The following UNC5C variants were observed in gnomAD, a reference collection of about 807,000 sequenced individuals.
UNC5C encodes netrin receptor UNC5C.
In UNC5C, 47 loss-of-function variants were observed where a neutral mutation model predicts 99.8. That is an observed-to-expected ratio of 0.47 (90% confidence interval 0.37 to 0.60). UNC5C has a LOEUF of 0.60. Ranked by LOEUF, UNC5C falls within the 20% of genes least tolerant of loss-of-function variation. The pLI is 0.00. For missense variants in UNC5C, 1,062 were observed against 1,165.9 expected, an observed-to-expected ratio of 0.91 and a Z score of 1.30; for synonymous variants, 487 against 452.2, an observed-to-expected ratio of 1.08 and a Z score of -0.98.
intron 14 of UNC5C, among the ~76,000 whole-genome samples, chr4:95,178,601 A>T (rs968002219): frequency 2.0e-5 from 3 of 152,238 alleles, no homozygotes; most frequent in Admixed American, 2.0e-4. Flanking sequence ...GTACAGAAAG[A>T]AGATGAAGCC....
Position 95,219,145 on chromosome 4 carries a change from G to A in UNC5C, c.1469C>T (p.Pro490Leu). 6.2e-7 allele frequency: 1 copy of A among 1,614,124 alleles called. No individual in the cohort carries two copies. Among genetic ancestry groups the A allele is most frequent in the Non-Finnish European group, 8.5e-7 (1 of 1,180,026 alleles). The change falls in exon 9 of 16, where the codon CCC (proline) becomes CTC (leucine). Residue 490 changes from proline (P) to leucine (L), a missense_variant. Coordinates refer to ENST00000453304, the MANE Select transcript of UNC5C (RefSeq NM_003728.4). ...KVYNTSGAVT[P>L]QDDLSEFTSK... The stretch of plus-strand genomic sequence containing the variant: ...CGTAAACTCAGAGAGGTCATCTTGG[G>A]GGGTGACAGCACCTGAGGTGTTGTA...
intron 1 of UNC5C, among the ~76,000 whole-genome samples, chr4:95,525,694 A>G (rs1386552192): frequency 6.7e-6 from 1 of 149,468 alleles, no homozygotes; most frequent in Non-Finnish European, 1.5e-5. Flanking sequence ...AACTTTACAG[A>G]AAGTTACTGT....
At position 95,193,156 on chromosome 4, in the gene UNC5C, C is replaced by A. The variant is rs532751734; in HGVS notation, c.2137-7960G>T. ...AGGCAGTCTTCATGTTTGAGAGAAACACAGAACCATGCATTGGCTGGATTT... is the reference window on the plus strand; with the variant it reads ...AGGCAGTCTTCATGTTTGAGAGAAAAACAGAACCATGCATTGGCTGGATTT... On this transcript the variant is annotated intron_variant, in intron 12 of 15. Transcript: ENST00000453304. 8.5e-5 allele frequency among the ~76,000 whole-genome samples: 13 copies of A among 152,326 alleles called. No individual in the cohort carries two copies. The South Asian group carries it at 2.7e-3, about 32-fold the overall frequency.
chr4:95,192,243 CCCTGTTCACCCTCCTTT>C (rs1241816851), intron 12 of UNC5C, among the ~76,000 whole-genome samples: 1 of 145,740 alleles, frequency 6.9e-6, no homozygotes, highest in African/African-American at 2.6e-5. Flanking sequence ...CACCCTCCTC[CCCTGTTCACCCTCCTTT>C]CCTGCTCACC....
intron 1 of UNC5C, among the ~76,000 whole-genome samples, chr4:95,540,300 G>A (rs1429227285): frequency 1.3e-5 from 2 of 152,130 alleles, no homozygotes; most frequent in Non-Finnish European, 2.9e-5. Context: ...ATAATATTAT[G>A]ATGAAATACT....
intron 1 of UNC5C, among the ~76,000 whole-genome samples, chr4:95,366,084 G>A (rs904475210): frequency 6.6e-6 from 1 of 152,132 alleles, no homozygotes; most frequent in African/African-American, 2.4e-5. Flanking sequence ...AGGGCCTGGA[G>A]TTACCTACTT....
At chr4:95,406,924 T>C (rs963593121) in intron 1 of UNC5C, among the ~76,000 whole-genome samples, 5 of 152,204 alleles carry the variant, frequency 3.3e-5, no homozygotes, top group African/African-American at 1.2e-4. Flanking sequence ...AAAATCAAAA[T>C]AATTCAGTGG....
intron 1 of UNC5C, among the ~76,000 whole-genome samples, chr4:95,402,571 A>G (rs1293413286): frequency 6.6e-6 from 1 of 152,242 alleles, no homozygotes; most frequent in Non-Finnish European, 1.5e-5. Context: ...GCCTTAAAAC[A>G]TTATGGCACC....
rs372231448 is a variant in UNC5C at position 95,245,250 on chromosome 4, G to A, written c.776-106C>T. 24 of 1,297,558 alleles carry A rather than the reference G, an allele frequency of 1.8e-5. No individual in the cohort carries two copies. In the African/African-American group the frequency reaches 3.4e-4, roughly 18 times the overall value. 80.4% of individuals were successfully genotyped at this position (1,297,558 alleles called of 1,614,324 possible). A position where few individuals can be genotyped will look rare whatever the true frequency, so the allele number is the denominator to read the frequency against. ...ATGTAAACAAAGAGTTATTTTCCAAGCGACCATTATAAAAATCCAAAATTT... is the reference window on the plus strand; with the variant it reads ...ATGTAAACAAAGAGTTATTTTCCAAACGACCATTATAAAAATCCAAAATTT... On this transcript the variant is annotated intron_variant, in intron 5 of 15. Transcript: ENST00000453304.
intron 4 of UNC5C, among the ~76,000 whole-genome samples, chr4:95,277,821 A>G (rs1313632139): frequency 1.3e-5 from 2 of 152,210 alleles, no homozygotes; most frequent in African/African-American, 2.4e-5. Flanking sequence ...AGGTATGTCT[A>G]TGACTTCATC....
chr4:95,419,892 C>T (rs1453681076), intron 1 of UNC5C, among the ~76,000 whole-genome samples: 4 of 151,908 alleles, frequency 2.6e-5, no homozygotes, highest in Admixed American at 6.6e-5. Context: ...AATGTAAGCT[C>T]GGAATAGCTC....
chr4:95,413,126 C>T (rs1746046849), intron 1 of UNC5C, among the ~76,000 whole-genome samples: 1 of 152,194 alleles, frequency 6.6e-6, no homozygotes, highest in Non-Finnish European at 1.5e-5. Context: ...TCCCCAAACT[C>T]ATATGCCAAA....
At chr4:95,442,050 T>C (rs1472068717) in intron 1 of UNC5C, among the ~76,000 whole-genome samples, 2 of 152,212 alleles carry the variant, frequency 1.3e-5, no homozygotes, top group Non-Finnish European at 2.9e-5. Context: ...TATAGTCTAC[T>C]AGACATGTGA....
At chr4:95,198,039 G>GTGCC (rs1737503679) in intron 12 of UNC5C, among the ~76,000 whole-genome samples, 2 of 148,028 alleles carry the variant, frequency 1.4e-5, no homozygotes, top group South Asian at 4.3e-4. Context: ...CCAGGCTGGA[G>GTGCC]TGCCGTGGTG....
At chr4:95,175,435 C>G (rs1198481880) in intron 14 of UNC5C, among the ~76,000 whole-genome samples, 1 of 151,348 alleles carries the variant, frequency 6.6e-6, no homozygotes, top group Non-Finnish European at 1.5e-5. Flanking sequence ...TTAGGGCAGG[C>G]CTGGTGGTGA....
chr4:95,431,205 T>C (rs1746626272), intron 1 of UNC5C, among the ~76,000 whole-genome samples: 1 of 152,114 alleles, frequency 6.6e-6, no homozygotes, highest in African/African-American at 2.4e-5. Flanking sequence ...GTTCCCTTCC[T>C]GTGCAGTTTC....
intron 2 of UNC5C, among the ~76,000 whole-genome samples, chr4:95,326,194 C>T (rs186581015): frequency 1.3e-5 from 2 of 152,064 alleles, no homozygotes; most frequent in Non-Finnish European, 2.9e-5. Flanking sequence ...ATGTAAGGTG[C>T]TCAGTATAAG....
chr4:95,289,003 G>T (rs1222392871), intron 3 of UNC5C, among the ~76,000 whole-genome samples: 1 of 152,156 alleles, frequency 6.6e-6, no homozygotes, highest in Non-Finnish European at 1.5e-5. Context: ...GCCTGGATCT[G>T]CTCTGCCATA....
At chr4:95,195,609 G>A (rs1737347436) in intron 12 of UNC5C, among the ~76,000 whole-genome samples, 1 of 152,090 alleles carries the variant, frequency 6.6e-6, no homozygotes, top group Non-Finnish European at 1.5e-5. Flanking sequence ...GAAATGCCAG[G>A]AGGACATCAG....
Sources: gnomAD v4.1 joint callset for allele counts (sites outside exome capture counted in the v4.1 genomes callset) on GRCh38, gnomAD v4.1.1 for gene constraint, MANE v1.5 for transcripts, NCBI Gene and HGNC (gene_info 2026-07-23, HGNC 2026-07-21) for gene names.